SH3BGR: variants seen among roughly 807,000 people sequenced by gnomAD.
SH3BGR encodes SH3 domain binding glutamate rich protein, also known as SH3 domain-binding glutamic acid-rich protein.
In SH3BGR, 29 loss-of-function variants were observed where a neutral mutation model predicts 24.5. The observed-to-expected ratio is 1.18, with a 90% CI of 0.88 to 1.61. The LOEUF is 1.61. SH3BGR is among the 40% of genes most tolerant of loss of function. SH3BGR has a pLI of 0.00. For missense variants in SH3BGR, 162 were observed against 205.8 expected, an observed-to-expected ratio of 0.79 and a Z score of 1.30; for synonymous variants, 55 against 65.7, an observed-to-expected ratio of 0.84 and a Z score of 0.79.
At position 39,469,608 on chromosome 21, in the gene SH3BGR, A is replaced by G. The variant is rs1301293597; in HGVS notation, c.232-5527A>G. On this transcript the variant is annotated intron_variant, in intron 2 of 6. Transcript: ENST00000333634. ...ACTGAGTACTGTCAGTTCATTCCAT[A>G]TATTTTGATATGCAGTATTTTCTTT... 5.3e-5 allele frequency among the ~76,000 whole-genome samples: 8 copies of G among 150,052 alleles called. No individual in the cohort carries two copies. The East Asian group carries it at 1.2e-3, about 22-fold the overall frequency.
At chr21:39,469,673 G>T in intron 2 of SH3BGR, among the ~76,000 whole-genome samples, 1 of 149,996 alleles carries the variant, frequency 6.7e-6, no homozygotes, top group East Asian at 1.9e-4. Context: ...TATTTTTTGA[G>T]ACGGAGTTTT....
At chr21:39,447,879 A>T (rs570589363), upstream of SH3BGR, among the ~76,000 whole-genome samples, 277 of 152,322 alleles carry the variant, frequency 1.8e-3, no homozygotes, top group Non-Finnish European at 3.5e-3. Flanking sequence ...ATGTCATAAC[A>T]GACTACCACG....
At chr21:39,491,529 TA>T in intron 3 of SH3BGR, 1 of 264,968 alleles carries the variant, frequency 3.8e-6, no homozygotes, top group South Asian at 5.1e-5. Context: ...TTCAGTCTTC[TA>T]AGGCCTCAGC....
intron 1 of SH3BGR, among the ~76,000 whole-genome samples, chr21:39,453,154 A>AC (rs1036896319): frequency 2.6e-4 from 39 of 152,308 alleles, no homozygotes; most frequent in African/African-American, 7.0e-4. Context: ...GCTGAGTGCC[A>AC]CCACTCCCAG....
At chr21:39,459,956 A>C (rs890508842) in intron 1 of SH3BGR, among the ~76,000 whole-genome samples, 3 of 152,252 alleles carry the variant, frequency 2.0e-5, no homozygotes, top group Admixed American at 6.5e-5. Context: ...TGTTTATAAA[A>C]GATGGCATCA....
chr21:39,514,330 G>A (rs1237364666), intron 6 of SH3BGR, among the ~76,000 whole-genome samples: 2 of 152,070 alleles, frequency 1.3e-5, no homozygotes, highest in Non-Finnish European at 2.9e-5. Context: ...TCCCATAGTT[G>A]AAGTTGGAGT....
chr21:39,468,966 A>G (rs931541269), intron 2 of SH3BGR, among the ~76,000 whole-genome samples: 41 of 150,466 alleles, frequency 2.7e-4, no homozygotes, highest in African/African-American at 1.0e-3. Context: ...ACTTTTTCAT[A>G]AGTTGGTTTT....
chr21:39,489,797 C>T lies in SH3BGR; in HGVS notation c.313-10026C>T, dbSNP rs550715135. Among the ~76,000 whole-genome samples, 6 of 152,292 alleles carry T rather than the reference C, an allele frequency of 3.9e-5. No individual in the cohort carries two copies. In the South Asian group the frequency reaches 1.2e-3, roughly 32 times the overall value. On this transcript the variant is annotated intron_variant, in intron 3 of 6. Coordinates refer to ENST00000333634, the MANE Select transcript of SH3BGR (RefSeq NM_007341.3). ...AAGCAGAAGCTTCAGTCAGGGAGCTCCCAGGTGAACCTAATGTTTTATCAA... is the reference window on the plus strand; with the variant it reads ...AAGCAGAAGCTTCAGTCAGGGAGCTTCCAGGTGAACCTAATGTTTTATCAA...
chr21:39,447,079 G>A (rs1021729927), upstream of SH3BGR: 1 of 152,038 alleles, frequency 6.6e-6, no homozygotes, highest in Non-Finnish European at 1.5e-5. Context: ...CTTAGGTAGG[G>A]AATTATCCGT....
intron 5 of SH3BGR, among the ~76,000 whole-genome samples, chr21:39,510,643 C>T (rs981846250): frequency 6.6e-6 from 1 of 152,018 alleles, no homozygotes; most frequent in Non-Finnish European, 1.5e-5. Flanking sequence ...GTATATTCTA[C>T]ACCATGATTT....
At chr21:39,485,232 G>GC (rs1349788383) in intron 3 of SH3BGR, among the ~76,000 whole-genome samples, 2 of 152,196 alleles carry the variant, frequency 1.3e-5, no homozygotes, top group Non-Finnish European at 2.9e-5. Flanking sequence ...TTTCAATTAT[G>GC]CCCTGGCAAG....
chr21:39,469,811 C>A (rs550397904), intron 2 of SH3BGR, among the ~76,000 whole-genome samples: 1 of 151,606 alleles, frequency 6.6e-6, no homozygotes, highest in African/African-American at 2.4e-5. Flanking sequence ...GGCGCCACCA[C>A]GCCCGGTTAA....
intron 1 of SH3BGR, among the ~76,000 whole-genome samples, chr21:39,460,781 TA>T (rs2077742382): frequency 6.6e-6 from 1 of 152,124 alleles, no homozygotes; most frequent in African/African-American, 2.4e-5. Context: ...TATTCTTCTT[TA>T]AACAAAATTT....
At chr21:39,504,253 G>A (rs1033522698) in intron 4 of SH3BGR, among the ~76,000 whole-genome samples, 2 of 152,170 alleles carry the variant, frequency 1.3e-5, no homozygotes, top group South Asian at 4.1e-4. Context: ...GTTTCAAGGG[G>A]CAAACATTGA....
intron 3 of SH3BGR, among the ~76,000 whole-genome samples, chr21:39,494,112 A>G (rs541288299): frequency 4.6e-5 from 7 of 152,264 alleles, no homozygotes; most frequent in Admixed American, 4.6e-4. Flanking sequence ...ATGTAGAAAC[A>G]TTGCCATCAT....
chr21:39,453,722 T>C (rs894450269), intron 1 of SH3BGR, among the ~76,000 whole-genome samples: 1 of 152,214 alleles, frequency 6.6e-6, no homozygotes. Context: ...TGTATGACCT[T>C]GGGAAAGTTA....
At chr21:39,453,842 G>A (rs934333036) in intron 1 of SH3BGR, among the ~76,000 whole-genome samples, 1 of 152,188 alleles carries the variant, frequency 6.6e-6, no homozygotes, top group East Asian at 1.9e-4. Flanking sequence ...TGGGTGCCCC[G>A]CATGGTGTCA....
At chr21:39,458,014 T>G (rs189919155) in intron 1 of SH3BGR, among the ~76,000 whole-genome samples, 28 of 152,300 alleles carry the variant, frequency 1.8e-4, no homozygotes, top group Admixed American at 1.6e-3. Flanking sequence ...TCATTAAATT[T>G]GTCAAAAGTG....
In SH3BGR at chr21:39,472,832, G is replaced by A. The variant is rs947181396; in HGVS notation, c.232-2303G>A. ...AAACTCCCCAGCTTGACGAGGCTCC[G>A]GGCTTTATCTACATCCCCCTTTTTC... On this transcript the variant is annotated intron_variant, in intron 2 of 6. Coordinates refer to ENST00000333634, the MANE Select transcript of SH3BGR (RefSeq NM_007341.3). Among the ~76,000 whole-genome samples, 78 of 152,118 alleles carry A rather than the reference G, an allele frequency of 5.1e-4. 1 individual carries two copies. The highest frequency in any genetic ancestry group is 1.7e-3 in the African/African-American group (69 of 41,490).
Sources: gnomAD v4.1 joint callset for allele counts (sites outside exome capture counted in the v4.1 genomes callset) on GRCh38, gnomAD v4.1.1 for gene constraint, MANE v1.5 for transcripts, NCBI Gene and HGNC (gene_info 2026-07-23, HGNC 2026-07-21) for gene names.